POLR3B: variants seen among roughly 807,000 people sequenced by gnomAD.
The protein encoded by POLR3B is DNA-directed RNA polymerase III subunit RPC2.
POLR3B carries 96 observed loss-of-function variants against 147.4 expected under a neutral mutation model. That is an observed-to-expected ratio of 0.65 (90% CI 0.55 to 0.77). The LOEUF is 0.77. Among genes scored for constraint, POLR3B ranks in the 30% least tolerant of loss-of-function variants. The probability of loss-of-function intolerance (pLI) is 0.00; values close to 1 mark genes in which losing one functional copy is unlikely to be tolerated. For missense variants in POLR3B, 1,036 were observed against 1,413.5 expected (o/e 0.73, Z 4.28); for synonymous variants, 461 against 485.9 (o/e 0.95, Z 0.67).
intron 12 of POLR3B, among the ~76,000 whole-genome samples, chr12:106,417,362 C>T (rs2037318377): frequency 6.6e-6 from 1 of 152,064 alleles, no homozygotes; most frequent in Non-Finnish European, 1.5e-5. Flanking sequence ...ACACTGGAGA[C>T]CCAGGTGGAG....
At chr12:106,472,410 T>C (rs201959262) in intron 23 of POLR3B, among the ~76,000 whole-genome samples, 2 of 149,788 alleles carry the variant, frequency 1.3e-5, no homozygotes, top group East Asian at 3.9e-4. Context: ...ATGGTATTTC[T>C]AGTTCTAGAT....
At position 106,463,576 on chromosome 12, in the gene POLR3B, G is replaced by A. The variant is rs750694928; in HGVS notation, c.2669G>A (p.Arg890His). Residue 890 changes from arginine (R) to histidine (H), a missense_variant, in exon 23 of 28, where the codon CGT becomes CAT. Coordinates refer to ENST00000228347, the MANE Select transcript of POLR3B (RefSeq NM_018082.6). Reference sequence around the variant, plus strand: ...AAAATGCTGCTGAGACAGACAAGGCGTCCAGAAATTGGAGACAAATTCAGC... The same window carrying A: ...AAAATGCTGCTGAGACAGACAAGGCATCCAGAAATTGGAGACAAATTCAGC... ...LIKMLLRQTR[R>H]PEIGDKFSSR... 1.4e-5 allele frequency: 22 copies of A among 1,613,434 alleles called. No individual in the cohort carries two copies. The highest frequency in any genetic ancestry group is 9.3e-5 in the African/African-American group (7 of 74,908).
intron 16 of POLR3B, among the ~76,000 whole-genome samples, chr12:106,435,043 T>A (rs1187051372): frequency 1.3e-5 from 2 of 152,202 alleles, no homozygotes; most frequent in Non-Finnish European, 2.9e-5. Context: ...AAACCTCATT[T>A]TCTGGATTCT....
chr12:106,496,425 T>C, intron 24 of POLR3B: 1 of 608,522 alleles, frequency 1.6e-6, no homozygotes, highest in Non-Finnish European at 2.9e-6. Context: ...AGAGAATCCC[T>C]TGTCTTGAAC....
At chr12:106,503,523 T>C (rs1423651956) in intron 26 of POLR3B, among the ~76,000 whole-genome samples, 1 of 152,168 alleles carries the variant, frequency 6.6e-6, no homozygotes, top group Non-Finnish European at 1.5e-5. Flanking sequence ...TAGCTACACC[T>C]CTGGGTCCTG....
At chr12:106,450,903 C>T (rs972436612) in intron 19 of POLR3B, among the ~76,000 whole-genome samples, 17 of 152,102 alleles carry the variant, frequency 1.1e-4, no homozygotes, top group Non-Finnish European at 2.2e-4. Context: ...ATGTTTATAG[C>T]AGTTTTATTC....
intron 23 of POLR3B, among the ~76,000 whole-genome samples, chr12:106,466,648 C>A (rs1274848343): frequency 6.6e-6 from 1 of 152,050 alleles, no homozygotes; most frequent in African/African-American, 2.4e-5. Flanking sequence ...AGGAAGGGGT[C>A]CAGTTTCAGT....
At chr12:106,464,034 TC>T (rs2037973793) in intron 23 of POLR3B, among the ~76,000 whole-genome samples, 1 of 152,016 alleles carries the variant, frequency 6.6e-6, no homozygotes, top group Admixed American at 6.6e-5. Flanking sequence ...GAGTTATCCG[TC>T]CCCTTGTTTA....
At position 106,509,728 on chromosome 12, in the gene POLR3B, A is replaced by G; in HGVS notation, c.*179A>G. ...CTCTAAGACTGGCTAAACAACCTTGATCATTGAGCCTCGAGCCATGGGAGA... is the reference window on the plus strand; with the variant it reads ...CTCTAAGACTGGCTAAACAACCTTGGTCATTGAGCCTCGAGCCATGGGAGA... On this transcript the variant is annotated 3_prime_UTR_variant, in exon 28 of 28. Transcript: ENST00000228347. 1.8e-6 allele frequency: 1 copy of G among 564,998 alleles called. No homozygotes were observed. Among genetic ancestry groups the G allele is most frequent in the East Asian group, 3.3e-5 (1 of 29,904 alleles). The allele number at this position is 564,998 out of a possible 1,614,324, so 35.0% of individuals were successfully genotyped here. A position where few individuals can be genotyped will look rare whatever the true frequency, so the allele number is the denominator to read the frequency against.
chr12:106,412,648 G>A (rs1206883015), intron 12 of POLR3B, among the ~76,000 whole-genome samples: 1 of 152,116 alleles, frequency 6.6e-6, no homozygotes, highest in Non-Finnish European at 1.5e-5. Context: ...ATACAGTTGA[G>A]CCACATTATG....
In POLR3B at chr12:106,496,815, G is replaced by A. The variant is rs1054098344; in HGVS notation, c.2881G>A (p.Gly961Ser). ...TGTGCTGGACGGCAGATTCCACTAC[G>A]GCACTGCGTTTGGAGGCAGTAAAGT... The part of the protein sequence containing the change: ...AGVLDGRFHY[G>S]TAFGGSKVKD... The change falls in exon 25 of 28, where the codon GGC becomes AGC. Residue 961 changes from glycine (G) to serine (S), a missense_variant. Around this residue, in one of 12 missense-constraint regions of POLR3B, gnomAD observed 88 missense variants for 87.5 expected, o/e 1.01. Transcript: ENST00000228347. 5 of 1,613,936 alleles carry A rather than the reference G, an allele frequency of 3.1e-6. No homozygotes were observed. The highest frequency in any genetic ancestry group is 1.1e-5 in the South Asian group (1 of 91,080).
intron 9 of POLR3B, among the ~76,000 whole-genome samples, chr12:106,381,665 G>A (rs940653570): frequency 6.6e-6 from 1 of 152,142 alleles, no homozygotes; most frequent in Non-Finnish European, 1.5e-5. Flanking sequence ...CTTGAGGATG[G>A]GAATCAGCTT....
At chr12:106,493,447 C>T (rs1026588485) in intron 23 of POLR3B, among the ~76,000 whole-genome samples, 74 of 152,286 alleles carry the variant, frequency 4.9e-4, no homozygotes, top group African/African-American at 1.7e-3. Context: ...TCTCTTTCTA[C>T]CCCTAATGAA....
At chr12:106,389,084 T>C (rs1292471912) in intron 9 of POLR3B, among the ~76,000 whole-genome samples, 1 of 152,262 alleles carries the variant, frequency 6.6e-6, no homozygotes, top group Non-Finnish European at 1.5e-5. Flanking sequence ...AAGAGGTCCA[T>C]ATAAAGCCAG....
intron 23 of POLR3B, among the ~76,000 whole-genome samples, chr12:106,484,879 A>G (rs2038316711): frequency 6.6e-6 from 1 of 152,122 alleles, no homozygotes; most frequent in African/African-American, 2.4e-5. Context: ...AACAGAAAAA[A>G]GGCCAGTCTG....
intron 1 of POLR3B, 182 bp downstream of exon 1, chr12:106,358,133 A>G (rs1477237644): frequency 3.3e-6 from 3 of 897,624 alleles, no homozygotes; most frequent in Non-Finnish European, 4.4e-6. Flanking sequence ...CGCGTGCGCG[A>G]GTGAAGGCTG....
At chr12:106,415,750 T>C (rs752390115) in intron 12 of POLR3B, among the ~76,000 whole-genome samples, 1 of 152,168 alleles carries the variant, frequency 6.6e-6, no homozygotes, top group Non-Finnish European at 1.5e-5. Flanking sequence ...ATAATAAATA[T>C]TGTAAAATAG....
rs138434469 is a variant in POLR3B at position 106,436,688 on chromosome 12, C to T, written c.1782-369C>T. 1.1e-4 allele frequency among the ~76,000 whole-genome samples: 16 copies of T among 152,228 alleles called. No homozygotes were observed. In the East Asian group the frequency reaches 1.2e-3, roughly 11 times the overall value. On this transcript the variant is annotated intron_variant, in intron 16 of 27. Coordinates refer to ENST00000228347, the MANE Select transcript of POLR3B (RefSeq NM_018082.6). ...AAGTTTTTAGATTGATACATTACAC[C>T]GTTTTTTAAAATATGGCATTAAAGG...
At chr12:106,477,809 G>A (rs2038198602) in intron 23 of POLR3B, among the ~76,000 whole-genome samples, 1 of 148,606 alleles carries the variant, frequency 6.7e-6, no homozygotes, top group Non-Finnish European at 1.5e-5. Flanking sequence ...TGGAAATGCA[G>A]AAATCACCCG....
Sources: allele counts gnomAD v4.1 joint callset (sites outside exome capture counted in the v4.1 genomes callset), GRCh38; gene constraint gnomAD v4.1.1; regional missense constraint gnomAD v4.1.1; transcripts MANE v1.5; gene names NCBI Gene and HGNC (gene_info 2026-07-23, HGNC 2026-07-21).